The following TLN2 variants were observed in gnomAD, a reference collection of about 807,000 sequenced individuals.
TLN2 encodes the protein talin 2, also known as talin-2.
In TLN2, 118 loss-of-function variants were observed where a neutral mutation model predicts 294.7. The ratio of observed to expected loss-of-function variants is 0.40; its 90% CI spans 0.34 to 0.47. The LOEUF is 0.47. Ranked by LOEUF, TLN2 falls within the 20% of genes least tolerant of loss-of-function variation. The pLI, the probability that TLN2 is intolerant of heterozygous loss-of-function variation, is 0.84. For synonymous variants in TLN2, 1,431 were observed against 1,304.5 expected (o/e 1.10, Z -2.09); for missense variants, 3,083 against 3,282.2 (o/e 0.94, Z 1.48).
chr15:62,639,825 G>A (rs554496709), intron 3 of TLN2, among the ~76,000 whole-genome samples: 1 of 152,312 alleles, frequency 6.6e-6, no homozygotes, highest in South Asian at 2.1e-4. Context: ...ATTAGAGAGG[G>A]CCTTGGTAAC....
chr15:62,765,765 G>C (rs1366998243), intron 40 of TLN2, among the ~76,000 whole-genome samples: 1 of 152,174 alleles, frequency 6.6e-6, no homozygotes, highest in Non-Finnish European at 1.5e-5. Flanking sequence ...GGTCTTGAGG[G>C]CACCGTGTTT....
intron 15 of TLN2, 91 bp from the exon 16 acceptor site, chr15:62,698,663 G>T (rs1270262386): frequency 8.7e-6 from 9 of 1,035,200 alleles, no homozygotes; most frequent in African/African-American, 1.6e-5. Context: ...TTTGTCTTGA[G>T]TGCAGAGTTC....
chr15:62,459,530 G>A (rs181509290), intron 1 of TLN2, among the ~76,000 whole-genome samples: 11 of 152,280 alleles, frequency 7.2e-5, no homozygotes, highest in Non-Finnish European at 1.3e-4. Flanking sequence ...ATAGGAAAGT[G>A]TGTGCATGCC....
intron 25 of TLN2, among the ~76,000 whole-genome samples, chr15:62,721,190 T>C (rs1239936104): frequency 1.3e-5 from 2 of 152,196 alleles, no homozygotes; most frequent in African/African-American, 2.4e-5. Context: ...GAAATTGAAT[T>C]GACAGATCAA....
chr15:62,687,452 ATGTT>A (rs1226563842), intron 12 of TLN2, among the ~76,000 whole-genome samples: 1 of 152,242 alleles, frequency 6.6e-6, no homozygotes, highest in African/African-American at 2.4e-5. Flanking sequence ...TAGTGAGAAT[ATGTT>A]TGTTTCAGGT....
intron 1 of TLN2, among the ~76,000 whole-genome samples, chr15:62,397,375 G>A (rs780679080): frequency 1.3e-5 from 2 of 151,912 alleles, no homozygotes; most frequent in South Asian, 2.1e-4. Context: ...CTCCTGCCTC[G>A]GCCTCCTGTG....
Position 62,840,801 on chromosome 15 carries a change from A to G in TLN2, c.*191A>G, listed in dbSNP as rs2070592226. 5.4e-6 allele frequency: 4 copies of G among 741,066 alleles called. No individual in the cohort carries two copies. Among genetic ancestry groups the G allele is most frequent in the Non-Finnish European group, 8.4e-6 (4 of 477,116 alleles). The allele number at this position is 741,066 out of a possible 1,614,324, so 45.9% of individuals were successfully genotyped here. A position where few individuals can be genotyped will look rare whatever the true frequency, so the allele number is the denominator to read the frequency against. On this transcript the variant is annotated 3_prime_UTR_variant, in exon 59 of 59. Transcript: ENST00000636159. ...GCATGATCGTGATGTCACACGGTAC[A>G]ATGTCCTACCCACAACTCCTCTGCC...
chr15:62,499,897 C>T (rs190029951), intron 1 of TLN2, among the ~76,000 whole-genome samples: 1 of 152,246 alleles, frequency 6.6e-6, no homozygotes, highest in Non-Finnish European at 1.5e-5. Flanking sequence ...GCCACCGCTC[C>T]TGGCTGCAAA....
intron 22 of TLN2, among the ~76,000 whole-genome samples, chr15:62,713,269 CT>C (rs1188715303): frequency 8.4e-4 from 43 of 50,956 alleles, no homozygotes; most frequent in African/African-American, 2.0e-3. Flanking sequence ...AAACCTGCGT[CT>C]CAAAAAAAAA....
intron 52 of TLN2, among the ~76,000 whole-genome samples, chr15:62,817,959 G>A (rs1219382028): frequency 2.6e-5 from 4 of 151,340 alleles, no homozygotes; most frequent in South Asian, 2.1e-4. Flanking sequence ...AGAGGCACCC[G>A]CCACCACACC....
chr15:62,807,640 A>T (rs1204832112), intron 51 of TLN2, among the ~76,000 whole-genome samples: 1 of 152,160 alleles, frequency 6.6e-6, no homozygotes, highest in Non-Finnish European at 1.5e-5. Flanking sequence ...GTCTCTCCTA[A>T]CGTGTGCTCC....
rs780608807 is a variant in TLN2 at position 62,719,807 on chromosome 15, G to A, written c.2918G>A (p.Arg973Lys). 1 of 1,611,894 alleles carries A rather than the reference G, an allele frequency of 6.2e-7. No individual in the cohort carries two copies. The highest frequency in any genetic ancestry group is 8.5e-7 in the Non-Finnish European group (1 of 1,178,896). The change falls in exon 25 of 59, where the codon AGG (arginine) becomes AAG (lysine). Residue 973 changes from arginine to lysine, a missense_variant. Coordinates refer to ENST00000636159, the MANE Select transcript of TLN2 (RefSeq NM_015059.3). ...ATCCCTCAGCTGGTCCAGGGAGTGA[G>A]GGGGAGCCAAGCTCAAGCTGAAGAC... is the stretch of plus-strand genomic sequence containing the variant. ...DHIPQLVQGV[R>K]GSQAQAEDLS...
At chr15:62,768,996 A>G (rs2063187914) in intron 41 of TLN2, among the ~76,000 whole-genome samples, 1 of 152,252 alleles carries the variant, frequency 6.6e-6, no homozygotes. Context: ...ATTCAAATCC[A>G]GTGATTCTGA....
chr15:62,716,774 G>A (rs2059801829), intron 23 of TLN2, among the ~76,000 whole-genome samples: 1 of 152,126 alleles, frequency 6.6e-6, no homozygotes, highest in Admixed American at 6.5e-5. Flanking sequence ...TTTTGTTGGA[G>A]TCAGTGACTT....
chr15:62,798,910 C>T (rs1248360810), intron 48 of TLN2, among the ~76,000 whole-genome samples: 1 of 152,194 alleles, frequency 6.6e-6, no homozygotes, highest in East Asian at 1.9e-4. Context: ...AAAACCTCCG[C>T]TACAGGTGGT....
chr15:62,840,563 C>T lies in TLN2; in HGVS notation c.7582C>T (p.Gln2528Ter). 1 of 1,614,172 alleles carries T rather than the reference C, an allele frequency of 6.2e-7. No homozygotes were observed. The highest frequency in any genetic ancestry group is 8.5e-7 in the Non-Finnish European group (1 of 1,180,030). ...ARKKLAQIRQ[Q>*]QYKFLPTELR... ...GAAAAAACTGGCCCAAATCCGCCAG[C>T]AGCAGTATAAGTTTTTACCCACCGA... is the stretch of plus-strand genomic sequence containing the variant. The change falls in exon 59 of 59, where the codon CAG becomes TAG. Residue 2528 changes from glutamine (Q) to a stop codon, truncating the protein, a stop_gained. Coordinates refer to ENST00000636159, the MANE Select transcript of TLN2 (RefSeq NM_015059.3). LOFTEE classifies it high-confidence loss of function.
chr15:62,641,964 C>T (rs889059566), intron 3 of TLN2, among the ~76,000 whole-genome samples: 2 of 152,214 alleles, frequency 1.3e-5, no homozygotes, highest in Admixed American at 6.5e-5. Flanking sequence ...TGATCCTGAG[C>T]AGCCTGCACT....
chr15:62,648,546 T>TGA (rs1491143096), intron 4 of TLN2, among the ~76,000 whole-genome samples: 69 of 15,390 alleles, frequency 4.5e-3, no homozygotes, highest in Middle Eastern at 0.056. Context: ...ATGATGACGA[T>TGA]TTTTTTTTTT....
At chr15:62,495,292 T>C (rs1025034939) in intron 1 of TLN2, among the ~76,000 whole-genome samples, 2 of 152,212 alleles carry the variant, frequency 1.3e-5, no homozygotes, top group Non-Finnish European at 2.9e-5. Context: ...TTGCTGCTTC[T>C]TTTTGTTTTT....
Sources: gnomAD v4.1 joint callset for allele counts (sites outside exome capture counted in the v4.1 genomes callset) on GRCh38, gnomAD v4.1.1 for gene constraint, MANE v1.5 for transcripts, NCBI Gene and HGNC (gene_info 2026-07-23, HGNC 2026-07-21) for gene names.